VSTM2L: variants seen among roughly 807,000 people sequenced by gnomAD.
VSTM2L encodes V-set and transmembrane domain-containing protein 2-like protein.
Under a neutral mutation model 19.9 loss-of-function variants are expected in VSTM2L, and 9 were observed. That is an observed-to-expected ratio of 0.45 (90% CI 0.27 to 0.79). The LOEUF is 0.79. Ranked by LOEUF, VSTM2L falls within the 30% of genes least tolerant of loss-of-function variation. The pLI, the probability that VSTM2L is intolerant of heterozygous loss-of-function variation, is 0.15. For synonymous variants in VSTM2L, 127 were observed against 133.8 expected (o/e 0.95, Z 0.35); for missense variants, 286 against 295.5 (o/e 0.97, Z 0.24).
chr20:37,943,872 G>T (rs2072988444), intron 3 of VSTM2L, 109 bp from the exon 4 acceptor site: 18 of 1,234,806 alleles, frequency 1.5e-5, no homozygotes, highest in Non-Finnish European at 1.7e-5. Flanking sequence ...TTGTGGGAGT[G>T]TTTCTGGGGC....
chr20:37,938,222 G>GT (rs2072951401), intron 3 of VSTM2L, among the ~76,000 whole-genome samples: 1 of 152,152 alleles, frequency 6.6e-6, no homozygotes, highest in Non-Finnish European at 1.5e-5. Context: ...AGGTCAGTGG[G>GT]TTCAGGGGTG....
Position 37,944,560 on chromosome 20 carries a change from G to A in VSTM2L, c.*307G>A. 8.6e-7 allele frequency: 1 copy of A among 1,161,564 alleles called. No homozygotes were observed. The highest frequency in any genetic ancestry group is 1.1e-6 in the Non-Finnish European group (1 of 943,300). The allele number at this position is 1,161,564 out of a possible 1,614,324, so 72.0% of individuals were successfully genotyped here. A position where few individuals can be genotyped will look rare whatever the true frequency, so the allele number is the denominator to read the frequency against. On this transcript the variant is annotated 3_prime_UTR_variant, in exon 4 of 4. Coordinates refer to ENST00000373461, the MANE Select transcript of VSTM2L (RefSeq NM_080607.3). Reference sequence around the variant, plus strand: ...CGGGGCCACCCCCTTCCTGTCACCAGCTTCTGTGGAGTCCAGTGTTTTGCT... The same window carrying A: ...CGGGGCCACCCCCTTCCTGTCACCAACTTCTGTGGAGTCCAGTGTTTTGCT...
At chr20:37,910,315 G>A (rs1031610275) in intron 1 of VSTM2L, among the ~76,000 whole-genome samples, 6 of 152,214 alleles carry the variant, frequency 3.9e-5, no homozygotes, top group African/African-American at 7.2e-5. Context: ...GGGCATGTCC[G>A]TGGGGATCCA....
intron 1 of VSTM2L, among the ~76,000 whole-genome samples, chr20:37,909,580 G>A (rs1157692079): frequency 6.6e-6 from 1 of 152,146 alleles, no homozygotes; most frequent in Non-Finnish European, 1.5e-5. Context: ...ATTTCTTAAG[G>A]AATCTATGTT....
intron 1 of VSTM2L, among the ~76,000 whole-genome samples, chr20:37,917,974 T>C (rs2072829621): frequency 6.6e-6 from 1 of 152,246 alleles, no homozygotes; most frequent in Non-Finnish European, 1.5e-5. Context: ...TCTTGTCCCA[T>C]GTTTCTGGAG....
chr20:37,939,648 C>G (rs1173959722), intron 3 of VSTM2L, among the ~76,000 whole-genome samples: 1 of 152,074 alleles, frequency 6.6e-6, no homozygotes, highest in Non-Finnish European at 1.5e-5. Flanking sequence ...TGCCCTTCAT[C>G]CTGTTGGAAG....
intron 1 of VSTM2L, among the ~76,000 whole-genome samples, chr20:37,921,832 C>CTTTATTTTATT: frequency 8.3e-6 from 1 of 121,132 alleles, no homozygotes; most frequent in African/African-American, 3.4e-5. Flanking sequence ...TTCTTTCTTT[C>CTTTATTTTATT]TTTTCCTTTT....
At chr20:37,940,809 A>C (rs2072967828) in intron 3 of VSTM2L, among the ~76,000 whole-genome samples, 1 of 152,228 alleles carries the variant, frequency 6.6e-6, no homozygotes, top group African/African-American at 2.4e-5. Flanking sequence ...GGCATGTCTT[A>C]CGTGTTGGCA....
intron 3 of VSTM2L, 61 bp from the exon 4 acceptor site, chr20:37,943,918 CCG>C: frequency 5.7e-6 from 5 of 871,868 alleles, no homozygotes; most frequent in Non-Finnish European, 7.5e-6. Flanking sequence ...ACCCCCCCCC[CCG>C]ACTCTTCTTC....
At chr20:37,919,150 C>T (rs1214193786) in intron 1 of VSTM2L, among the ~76,000 whole-genome samples, 1 of 152,222 alleles carries the variant, frequency 6.6e-6, no homozygotes, top group East Asian at 1.9e-4. Context: ...CTCTTCCATT[C>T]CTTTTGAGGG....
In VSTM2L at chr20:37,927,254, C is replaced by T. The variant is rs142832132; in HGVS notation, c.122-4381C>T. On this transcript the variant is annotated intron_variant, in intron 1 of 3. Coordinates refer to ENST00000373461, the MANE Select transcript of VSTM2L (RefSeq NM_080607.3). Reference sequence around the variant, plus strand: ...TGCTGGGATTACAGGCATGAGCCACCGTGCCCGGCCTCATTAATAATTTTC... The same window carrying T: ...TGCTGGGATTACAGGCATGAGCCACTGTGCCCGGCCTCATTAATAATTTTC... Among the ~76,000 whole-genome samples the T allele has an allele frequency of 5.4e-3, 827 of 152,320 alleles. 9 individuals carry two copies. The highest frequency in any genetic ancestry group is 0.017 in the African/African-American group (713 of 41,582).
At chr20:37,914,060 G>A (rs1327347349) in intron 1 of VSTM2L, among the ~76,000 whole-genome samples, 1 of 152,090 alleles carries the variant, frequency 6.6e-6, no homozygotes, top group East Asian at 1.9e-4. Flanking sequence ...TGGGATGCTG[G>A]GGCTGGCCGG....
In VSTM2L at chr20:37,944,348, G is replaced by C. The variant is rs1019143372; in HGVS notation, c.*95G>C. The stretch of plus-strand genomic sequence containing the variant: ...GGGGACCGACTGCCTGCGTCCAGCC[G>C]CGCCCCATCCCCGAGGCCGCCTGTG... On this transcript the variant is annotated 3_prime_UTR_variant, in exon 4 of 4. Transcript: ENST00000373461. 6 of 1,308,330 alleles carry C rather than the reference G, an allele frequency of 4.6e-6. No homozygotes were observed. In the South Asian group the frequency reaches 1.1e-4, roughly 25 times the overall value. The allele number at this position is 1,308,330 out of a possible 1,614,324, so 81.0% of individuals were successfully genotyped here.
chr20:37,942,000 G>A (rs1489549870), intron 3 of VSTM2L, among the ~76,000 whole-genome samples: 1 of 151,576 alleles, frequency 6.6e-6, no homozygotes, highest in South Asian at 2.1e-4. Context: ...CCCCAGTGGT[G>A]TATCTTATGT....
intron 1 of VSTM2L, among the ~76,000 whole-genome samples, chr20:37,909,086 G>A (rs6096823): frequency 0.012 from 1,755 of 152,268 alleles, 29 homozygotes; most frequent in African/African-American, 0.04. Context: ...AGGAGGAAGA[G>A]GCCCACGTCA....
chr20:37,933,656 T>C (rs1186373185), intron 3 of VSTM2L, 67 bp downstream of exon 3: 33 of 1,514,766 alleles, frequency 2.2e-5, no homozygotes, highest in Middle Eastern at 1.7e-4. Context: ...TAAAAAAAAA[T>C]TGGGGTCCAG....
intron 1 of VSTM2L, among the ~76,000 whole-genome samples, chr20:37,904,113 G>A (rs2072738029): frequency 6.6e-6 from 1 of 152,198 alleles, no homozygotes; most frequent in South Asian, 2.1e-4. Flanking sequence ...GTCCTTGGGG[G>A]CAGAAGACCT....
chr20:37,927,943 T>C (rs1427700251), intron 1 of VSTM2L, among the ~76,000 whole-genome samples: 3 of 152,236 alleles, frequency 2.0e-5, no homozygotes, highest in Admixed American at 6.5e-5. Context: ...GTCCGAGGGC[T>C]GGCTTCAGCC....
chr20:37,923,080 C>T (rs1236277217), intron 1 of VSTM2L, among the ~76,000 whole-genome samples: 3 of 152,200 alleles, frequency 2.0e-5, no homozygotes, highest in African/African-American at 7.2e-5. Context: ...TGTCTTGTGT[C>T]ATCCTCTCAT....
Sources: gnomAD v4.1 joint callset for allele counts (sites outside exome capture counted in the v4.1 genomes callset) on GRCh38, gnomAD v4.1.1 for gene constraint, MANE v1.5 for transcripts, NCBI Gene and HGNC (gene_info 2026-07-23, HGNC 2026-07-21) for gene names.